LRBA: variants seen among roughly 807,000 people sequenced by gnomAD.
LRBA encodes the protein LPS responsive beige-like anchor protein.
Under a neutral mutation model 330.0 loss-of-function variants are expected in LRBA, and 176 were observed. That is an observed-to-expected ratio of 0.53 (90% CI 0.47 to 0.60). The LOEUF (loss-of-function observed/expected upper bound fraction) is 0.60, where lower values mean the gene tolerates loss of function less well. Ranked by LOEUF, LRBA falls within the 20% of genes least tolerant of loss-of-function variation. The pLI is 0.00. For missense variants in LRBA, 3,259 were observed against 3,444.8 expected (o/e 0.95, Z 1.35); for synonymous variants, 1,230 against 1,193.0 (o/e 1.03, Z -0.64).
At chr4:150,883,764 A>C (rs551155372) in intron 17 of LRBA, among the ~76,000 whole-genome samples, 52 of 152,316 alleles carry the variant, frequency 3.4e-4, no homozygotes, top group African/African-American at 1.1e-3. Flanking sequence ...AGTTTAAGTA[A>C]CTGAACTGAA....
chr4:150,604,385 C>T (rs1033460618), intron 37 of LRBA, among the ~76,000 whole-genome samples: 3 of 143,004 alleles, frequency 2.1e-5, no homozygotes, highest in Middle Eastern at 3.5e-3. Context: ...GCCTGGCTGA[C>T]AGAGGGAGAG....
intron 40 of LRBA, among the ~76,000 whole-genome samples, chr4:150,508,016 G>A (rs1263557009): frequency 1.4e-5 from 2 of 143,932 alleles, no homozygotes; most frequent in Non-Finnish European, 3.0e-5. Context: ...CTCATAGGTG[G>A]GAATTGAAAA....
intron 36 of LRBA, among the ~76,000 whole-genome samples, chr4:150,730,696 G>T (rs947518358): frequency 4.5e-5 from 6 of 134,352 alleles, no homozygotes; most frequent in East Asian, 2.2e-4. Context: ...AAAAAAAAAA[G>T]AAAGAAAAGA....
At chr4:150,277,129 A>G (rs1388606596) in intron 56 of LRBA, among the ~76,000 whole-genome samples, 2 of 152,224 alleles carry the variant, frequency 1.3e-5, no homozygotes, top group African/African-American at 2.4e-5. Flanking sequence ...TTGCAGGGAC[A>G]TGGATGAAGC....
intron 4 of LRBA, among the ~76,000 whole-genome samples, chr4:150,927,756 AT>A (rs1253926868): frequency 6.6e-6 from 1 of 152,224 alleles, no homozygotes; most frequent in Non-Finnish European, 1.5e-5. Flanking sequence ...TTCAATGAAA[AT>A]TAGTAAAAAA....
chr4:150,551,460 C>G (rs1403433787), intron 40 of LRBA, among the ~76,000 whole-genome samples: 1 of 152,062 alleles, frequency 6.6e-6, no homozygotes, highest in Non-Finnish European at 1.5e-5. Context: ...AGGTAGATCA[C>G]TTGAGCCCAA....
chr4:150,695,506 C>T (rs1271517842), intron 36 of LRBA, among the ~76,000 whole-genome samples: 1 of 152,000 alleles, frequency 6.6e-6, no homozygotes, highest in African/African-American at 2.4e-5. Flanking sequence ...TCTGTAGAGA[C>T]AGGGTCTCTC....
chr4:150,849,314 T>C (rs1213515821), intron 25 of LRBA, 108 bp downstream of exon 25: 1 of 932,512 alleles, frequency 1.1e-6, no homozygotes, highest in Admixed American at 2.4e-5. Context: ...TTGTTTTTTA[T>C]TTATAGCACC....
intron 37 of LRBA, among the ~76,000 whole-genome samples, chr4:150,612,968 A>C (rs985463655): frequency 6.6e-6 from 1 of 152,186 alleles, no homozygotes; most frequent in Non-Finnish European, 1.5e-5. Context: ...TACACAAAGA[A>C]GACGATGACA....
chr4:150,779,748 G>A (rs1439598814), intron 34 of LRBA, among the ~76,000 whole-genome samples: 1 of 151,936 alleles, frequency 6.6e-6, no homozygotes, highest in African/African-American at 2.4e-5. Flanking sequence ...ATCATTTCTT[G>A]AATCCACATA....
At chr4:150,528,292 G>A (rs906247045) in intron 40 of LRBA, among the ~76,000 whole-genome samples, 6 of 152,030 alleles carry the variant, frequency 3.9e-5, no homozygotes, top group African/African-American at 1.5e-4. Flanking sequence ...GAGGTCAGGA[G>A]ATCGAGACCA....
intron 36 of LRBA, among the ~76,000 whole-genome samples, chr4:150,710,357 C>G (rs1303458131): frequency 6.6e-6 from 1 of 152,008 alleles, no homozygotes; most frequent in African/African-American, 2.4e-5. Flanking sequence ...GAAAGTCTCT[C>G]CCCAAAAGTG....
intron 38 of LRBA, among the ~76,000 whole-genome samples, chr4:150,595,993 A>G (rs1415239632): frequency 6.6e-6 from 1 of 151,968 alleles, no homozygotes; most frequent in African/African-American, 2.4e-5. Context: ...TGAGCTGCTA[A>G]TTTCCATAAA....
At chr4:150,889,290 C>CA (rs34389393) in intron 17 of LRBA, among the ~76,000 whole-genome samples, 4 of 147,514 alleles carry the variant, frequency 2.7e-5, no homozygotes, top group African/African-American at 5.0e-5. Flanking sequence ...TGATTTTCCA[C>CA]AAAAAAAAAA....
At chr4:150,304,368 ATAT>A (rs1730086546) in intron 52 of LRBA, among the ~76,000 whole-genome samples, 2 of 152,170 alleles carry the variant, frequency 1.3e-5, no homozygotes, top group South Asian at 2.1e-4. Flanking sequence ...AAATTCTGAA[ATAT>A]TATCTAAATC....
At chr4:150,490,574 C>G (rs1307930682) in intron 41 of LRBA, among the ~76,000 whole-genome samples, 3 of 151,828 alleles carry the variant, frequency 2.0e-5, no homozygotes, top group Non-Finnish European at 4.4e-5. Context: ...CCTCTCCTCT[C>G]CCCAAATGCA....
chr4:150,462,489 A>T (rs930440780), intron 44 of LRBA, among the ~76,000 whole-genome samples: 1 of 151,832 alleles, frequency 6.6e-6, no homozygotes, highest in African/African-American at 2.4e-5. Flanking sequence ...GACATTTTTT[A>T]CACTGCTCCA....
intron 56 of LRBA, among the ~76,000 whole-genome samples, chr4:150,267,071 G>A (rs1745445155): frequency 6.6e-6 from 1 of 152,000 alleles, no homozygotes; most frequent in Non-Finnish European, 1.5e-5. Context: ...CAGAATTGAA[G>A]GGAGAAATGG....
chr4:150,882,741 TAAC>T (rs1158504620), intron 17 of LRBA, among the ~76,000 whole-genome samples: 6 of 152,172 alleles, frequency 3.9e-5, no homozygotes, highest in Non-Finnish European at 8.8e-5. Flanking sequence ...AAAAATATGA[TAAC>T]AGATCATTAA....
Sources: gnomAD v4.1 joint callset for allele counts (sites outside exome capture counted in the v4.1 genomes callset) on GRCh38, gnomAD v4.1.1 for gene constraint, MANE v1.5 for transcripts, NCBI Gene and HGNC (gene_info 2026-07-23, HGNC 2026-07-21) for gene names.